Variants in TRAF3 observed in about 807,000 individuals in gnomAD.
The protein encoded by TRAF3 is TNF receptor-associated factor 3.
A neutral mutation model predicts 62.3 loss-of-function variants in TRAF3; 13 were observed. That is an observed-to-expected ratio of 0.21 (90% CI 0.14 to 0.33). TRAF3 has a LOEUF of 0.33. TRAF3 is among the 10% of genes least tolerant of loss of function. The pLI, the probability that TRAF3 is intolerant of heterozygous loss-of-function variation, is 1.00. For synonymous variants in TRAF3, 269 were observed against 283.4 expected, an observed-to-expected ratio of 0.95 and a Z score of 0.51; for missense variants, 440 against 741.8, an observed-to-expected ratio of 0.59 and a Z score of 4.73.
intron 1 of TRAF3, among the ~76,000 whole-genome samples, chr14:102,824,054 G>A (rs370640053): frequency 6.6e-6 from 1 of 152,184 alleles, no homozygotes; most frequent in East Asian, 1.9e-4. Context: ...GTGTGATAGC[G>A]CTGCTGTGAA....
chr14:102,870,502 C>G lies in TRAF3; in HGVS notation c.245+56C>G, dbSNP rs1888277550. ...CCCCTTCTCAGCCCTCGGCCTCACC[C>G]TCTCCTTCATTCGTTTCTCTAAAAA... is the stretch of plus-strand genomic sequence containing the variant. On this transcript the variant is annotated intron_variant, in intron 3 of 11. Transcript: ENST00000392745. The G allele has an allele frequency of 2.4e-5, 38 of 1,600,368 alleles. 3 individuals are homozygous for G. In the South Asian group the frequency reaches 4.2e-4, roughly 18 times the overall value.
chr14:102,827,072 G>A (rs1900363141), intron 1 of TRAF3, among the ~76,000 whole-genome samples: 2 of 152,228 alleles, frequency 1.3e-5, no homozygotes, highest in African/African-American at 4.8e-5. Context: ...CACCTGCTGA[G>A]GAATGTGTAC....
rs377116740 is a variant in TRAF3, at chr14:102,899,190, G to A, written c.960+1789G>A. ...GTGGTTTTTTGAAAGGGGAAATTCA[G>A]TGTTACCTTTGGGACCACTGTGGGG... On this transcript the variant is annotated intron_variant, in intron 10 of 11. Transcript: ENST00000392745. 4.9e-4 allele frequency among the ~76,000 whole-genome samples: 74 copies of A among 152,328 alleles called. 1 individual carries two copies. In the South Asian group the frequency reaches 0.015, roughly 30 times the overall value.
At chr14:102,812,105 T>C (rs1014756064) in intron 1 of TRAF3, among the ~76,000 whole-genome samples, 1 of 151,756 alleles carries the variant, frequency 6.6e-6, no homozygotes, top group Non-Finnish European at 1.5e-5. Flanking sequence ...CCGACAGTGC[T>C]ATAGAACACT....
At chr14:102,900,316 G>A (rs927899989) in intron 10 of TRAF3, among the ~76,000 whole-genome samples, 5 of 151,114 alleles carry the variant, frequency 3.3e-5, no homozygotes, top group African/African-American at 1.2e-4. Context: ...GCCTGGCCAA[G>A]ATGGCGAAAC....
At chr14:102,896,579 A>C (rs1446136914) in intron 9 of TRAF3, among the ~76,000 whole-genome samples, 1 of 152,236 alleles carries the variant, frequency 6.6e-6, no homozygotes, top group South Asian at 2.1e-4. Context: ...GTGGGGTGAT[A>C]CATAAGCATC....
In TRAF3 at chr14:102,826,230, A is replaced by G. The variant is rs978002416; in HGVS notation, c.-156-4104A>G. On this transcript the variant is annotated intron_variant, in intron 1 of 11. Transcript: ENST00000392745. The surrounding 1 kb of genome is among the most constrained non-coding windows in gnomAD (Gnocchi z 4.6). ...TGTAAATCCTGGCTCTTCTGCTTGA[A>G]CTGACTGTGCCTCAGCATCCTCGTC... 6.6e-6 allele frequency among the ~76,000 whole-genome samples: 1 copy of G among 151,698 alleles called. No individual in the cohort carries two copies. The highest frequency in any genetic ancestry group is 6.6e-5 in the Admixed American group (1 of 15,228).
intron 2 of TRAF3, among the ~76,000 whole-genome samples, chr14:102,858,750 A>G (rs1310327114): frequency 6.6e-6 from 1 of 152,220 alleles, no homozygotes; most frequent in Non-Finnish European, 1.5e-5. Flanking sequence ...ACATACCAAT[A>G]ACATATTTAT....
At chr14:102,842,699 C>G (rs1409789418) in intron 2 of TRAF3, among the ~76,000 whole-genome samples, 3 of 152,012 alleles carry the variant, frequency 2.0e-5, no homozygotes, top group Non-Finnish European at 4.4e-5. Flanking sequence ...AACCAGTGAT[C>G]AAGATCAAAA....
In TRAF3 at chr14:102,903,482, G is replaced by A. The variant is rs773561330; in HGVS notation, c.1135+53G>A. ...CAGTGTGCATCTGGGCCCCGGGCGA[G>A]TGCTGGGGCGGGGTCCGTGGGATGA... On this transcript the variant is annotated intron_variant, in intron 11 of 11. Transcript: ENST00000392745. This position sits in a 1 kb window ranked among gnomAD's most constrained non-coding sequence, Gnocchi z 6.4. 2 of 1,611,180 alleles carry A rather than the reference G, an allele frequency of 1.2e-6. No homozygotes were observed. The highest frequency in any genetic ancestry group is 2.2e-5 in the South Asian group (2 of 90,974).
intron 1 of TRAF3, among the ~76,000 whole-genome samples, chr14:102,794,470 A>G (rs1284388758): frequency 6.6e-6 from 1 of 152,240 alleles, no homozygotes; most frequent in Non-Finnish European, 1.5e-5. Flanking sequence ...GGCGTGAGCT[A>G]CTGTGCCCAG....
intron 1 of TRAF3, among the ~76,000 whole-genome samples, chr14:102,792,238 C>G (rs192213592): frequency 6.9e-6 from 1 of 144,552 alleles, no homozygotes; most frequent in Non-Finnish European, 1.5e-5. Context: ...AGTGCTCCTT[C>G]TTTAGCCTCC....
intron 11 of TRAF3, 66 bp from the exon 12 acceptor site, chr14:102,905,147 C>T: frequency 1.3e-6 from 2 of 1,483,238 alleles, no homozygotes; most frequent in African/African-American, 1.4e-5. Context: ...GCTGGTGCAG[C>T]TTTGCTTTCC....
chr14:102,807,918 G>A (rs1452557619), intron 1 of TRAF3, among the ~76,000 whole-genome samples: 1 of 152,168 alleles, frequency 6.6e-6, no homozygotes, highest in Non-Finnish European at 1.5e-5. Flanking sequence ...CATGGCCTTG[G>A]CATAATTACT....
chr14:102,864,377 T>G (rs1887860398), intron 2 of TRAF3, among the ~76,000 whole-genome samples: 1 of 152,154 alleles, frequency 6.6e-6, no homozygotes, highest in East Asian at 1.9e-4. Context: ...CTCGATCTCC[T>G]GACCTCGTGA....
At chr14:102,868,394 C>G (rs1024134446) in intron 2 of TRAF3, among the ~76,000 whole-genome samples, 11 of 152,160 alleles carry the variant, frequency 7.2e-5, no homozygotes, top group African/African-American at 2.2e-4. Flanking sequence ...ACAGCCACTC[C>G]CTTCCTTACC....
At chr14:102,839,165 T>A (rs983643126) in intron 2 of TRAF3, among the ~76,000 whole-genome samples, 2 of 150,210 alleles carry the variant, frequency 1.3e-5, no homozygotes, top group Non-Finnish European at 2.9e-5. Context: ...TTCGAACGGA[T>A]GCTAATCCTG....
At chr14:102,843,888 G>C (rs1488996719) in intron 2 of TRAF3, among the ~76,000 whole-genome samples, 1 of 152,072 alleles carries the variant, frequency 6.6e-6, no homozygotes, top group Non-Finnish European at 1.5e-5. Flanking sequence ...TATAAATAAT[G>C]AAATGAAATG....
chr14:102,820,740 C>T (rs1163640463), intron 1 of TRAF3, among the ~76,000 whole-genome samples: 1 of 148,278 alleles, frequency 6.7e-6, no homozygotes, highest in African/African-American at 2.5e-5. Context: ...AAGCGATCCC[C>T]CACCTCAGCC....
Sources: gnomAD v4.1 joint callset for allele counts (sites outside exome capture counted in the v4.1 genomes callset) on GRCh38, gnomAD v4.1.1 for gene constraint, Gnocchi (gnomAD v3.1) non-coding constraint, MANE v1.5 for transcripts, NCBI Gene and HGNC (gene_info 2026-07-23, HGNC 2026-07-21) for gene names.